The following FAM168A variants were observed in gnomAD, a reference collection of about 807,000 sequenced individuals.
FAM168A encodes the protein protein FAM168A.
A neutral mutation model predicts 28.5 loss-of-function variants in FAM168A; 3 were observed. The observed-to-expected ratio is 0.11, with a 90% CI of 0.05 to 0.27. The LOEUF is 0.27. FAM168A is among the 10% of genes least tolerant of loss of function. FAM168A has a pLI of 1.00. For missense variants in FAM168A, 222 were observed against 311.5 expected, an observed-to-expected ratio of 0.71 and a Z score of 2.16; for synonymous variants, 122 against 124.2, an observed-to-expected ratio of 0.98 and a Z score of 0.12.
chr11:73,459,959 C>T (rs1169393882), intron 2 of FAM168A, among the ~76,000 whole-genome samples: 1 of 146,458 alleles, frequency 6.8e-6, no homozygotes, highest in Non-Finnish European at 1.5e-5. Flanking sequence ...TGACTCACTG[C>T]AAGCTCCGCC....
intron 1 of FAM168A, among the ~76,000 whole-genome samples, chr11:73,491,647 T>C (rs1195704100): frequency 3.3e-5 from 5 of 152,210 alleles, no homozygotes; most frequent in African/African-American, 1.2e-4. Flanking sequence ...CACACTGTTG[T>C]TGTATAAAAA....
chr11:73,424,692 C>T (rs188522967), intron 3 of FAM168A, among the ~76,000 whole-genome samples: 1 of 152,262 alleles, frequency 6.6e-6, no homozygotes, highest in Admixed American at 6.5e-5. Flanking sequence ...ACAGAGGCTA[C>T]CACAAAGCCA....
At chr11:73,444,804 G>T (rs1480220771) in intron 2 of FAM168A, among the ~76,000 whole-genome samples, 1 of 152,028 alleles carries the variant, frequency 6.6e-6, no homozygotes, top group East Asian at 1.9e-4. Flanking sequence ...TCTCATTTTT[G>T]TTGAAAAACA....
At chr11:73,591,116 G>A (rs1205089036) in intron 1 of FAM168A, among the ~76,000 whole-genome samples, 1 of 151,944 alleles carries the variant, frequency 6.6e-6, no homozygotes, top group Non-Finnish European at 1.5e-5. Context: ...TGTACTCCAG[G>A]CCGGGAGACA....
rs1269658881 is a variant in FAM168A, at chr11:73,406,118, C to G, written c.*645G>C. 7.2e-6 allele frequency: 1 copy of G among 138,794 alleles called. No individual in the cohort carries two copies. Among genetic ancestry groups the G allele is most frequent in the Non-Finnish European group, 1.6e-5 (1 of 63,626 alleles). 8.6% of individuals were successfully genotyped at this position (138,794 alleles called of 1,614,324 possible). A position where few individuals can be genotyped will look rare whatever the true frequency, so the allele number is the denominator to read the frequency against. On this transcript the variant is annotated 3_prime_UTR_variant, in exon 8 of 8. Coordinates refer to ENST00000356467, the MANE Select transcript of FAM168A (RefSeq NM_015159.3). ...TTCCCCACAATGCCCTCCCTCCCCC[C>G]ACCCTCCCCCAAATTCTAAAGACTT...
At position 73,471,306 on chromosome 11, in the gene FAM168A, GTC is replaced by G. The variant is rs1867810456; in HGVS notation, c.-18-2816_-18-2815del. Among the ~76,000 whole-genome samples the G allele has an allele frequency of 2.0e-5, 3 of 152,100 alleles. No individual in the cohort carries two copies. In the South Asian group the frequency reaches 6.2e-4, roughly 32 times the overall value. On this transcript the variant is annotated intron_variant, in intron 1 of 7. Transcript: ENST00000356467. ...CACAGGGTAGTCCTTTAACTTCTGA[GTC>G]TCTGTTTCCTCTAACCTCAAAATGG...
At chr11:73,441,663 G>C (rs1046055083) in intron 2 of FAM168A, among the ~76,000 whole-genome samples, 1 of 152,116 alleles carries the variant, frequency 6.6e-6, no homozygotes, top group Non-Finnish European at 1.5e-5. Flanking sequence ...TTTTCTTTGC[G>C]GAAAGTTTTT....
chr11:73,459,374 T>C (rs1388828217), intron 2 of FAM168A, among the ~76,000 whole-genome samples: 2 of 151,618 alleles, frequency 1.3e-5, no homozygotes, highest in Non-Finnish European at 2.9e-5. Context: ...TAGTCTCAGC[T>C]ACTCGGGAGG....
intron 1 of FAM168A, among the ~76,000 whole-genome samples, chr11:73,541,704 G>A (rs1943660386): frequency 6.6e-6 from 1 of 152,006 alleles, no homozygotes. Context: ...CTGTAAAACA[G>A]GTATAAATAT....
chr11:73,426,862 T>C (rs1866895403), intron 3 of FAM168A, among the ~76,000 whole-genome samples: 1 of 152,204 alleles, frequency 6.6e-6, no homozygotes, highest in Non-Finnish European at 1.5e-5. Context: ...CGCTACCCTC[T>C]CTTATGGATT....
chr11:73,429,624 C>T (rs1015433097), intron 3 of FAM168A, among the ~76,000 whole-genome samples: 8 of 152,182 alleles, frequency 5.3e-5, no homozygotes, highest in Admixed American at 5.2e-4. Context: ...CCTTTGTGTG[C>T]TTAAAGAACA....
Position 73,552,083 on chromosome 11 carries a change from C to T in FAM168A, c.-19+45840G>A, listed in dbSNP as rs188153380. Among the ~76,000 whole-genome samples, 334 of 152,320 alleles carry T rather than the reference C, an allele frequency of 2.2e-3. 1 individual carries two copies. The highest frequency in any genetic ancestry group is 1.4e-3 in the Non-Finnish European group (93 of 68,030). On this transcript the variant is annotated intron_variant, in intron 1 of 7. Coordinates refer to ENST00000356467, the MANE Select transcript of FAM168A (RefSeq NM_015159.3). The stretch of plus-strand genomic sequence containing the variant: ...CAGTGGACTTTCTTATCTTTGACCT[C>T]ACAGTGCCTTAGCCTGGAGAGTTTT...
chr11:73,586,860 G>A (rs1689970), intron 1 of FAM168A, among the ~76,000 whole-genome samples: 2 of 152,076 alleles, frequency 1.3e-5, no homozygotes, highest in Admixed American at 6.6e-5. Context: ...CCACAAAGTG[G>A]AGAAAAGTAA....
At chr11:73,448,536 T>A (rs1867366059) in intron 2 of FAM168A, among the ~76,000 whole-genome samples, 1 of 152,200 alleles carries the variant, frequency 6.6e-6, no homozygotes, top group Admixed American at 6.5e-5. Context: ...CCAACACCCT[T>A]TGCCCTTACC....
chr11:73,535,418 CT>C (rs557433454), intron 1 of FAM168A, among the ~76,000 whole-genome samples: 5,355 of 132,220 alleles, frequency 0.041, 244 homozygotes, highest in African/African-American at 0.13. Context: ...TTCTTTCTTT[CT>C]TTTTTTTTTT....
chr11:73,453,697 T>C (rs760921294), intron 2 of FAM168A, among the ~76,000 whole-genome samples: 3 of 152,190 alleles, frequency 2.0e-5, no homozygotes, highest in Non-Finnish European at 4.4e-5. Flanking sequence ...TTAAAGTTTT[T>C]AGAGGCAGAG....
intron 4 of FAM168A, among the ~76,000 whole-genome samples, chr11:73,417,206 C>T (rs546877097): frequency 2.0e-5 from 3 of 152,282 alleles, no homozygotes; most frequent in Non-Finnish European, 1.5e-5. Flanking sequence ...GGGTGGAAGA[C>T]GCTGAGTACA....
intron 2 of FAM168A, among the ~76,000 whole-genome samples, chr11:73,446,208 T>C (rs951229109): frequency 1.3e-5 from 2 of 152,208 alleles, no homozygotes; most frequent in Non-Finnish European, 2.9e-5. Context: ...TGAATTTTAC[T>C]GCTTGTTTTA....
intron 1 of FAM168A, among the ~76,000 whole-genome samples, chr11:73,539,575 G>T (rs986054090): frequency 6.6e-6 from 1 of 152,052 alleles, no homozygotes; most frequent in South Asian, 2.1e-4. Flanking sequence ...ACACAATCAA[G>T]ACTTTACTAG....
Sources: gnomAD v4.1 joint callset for allele counts (sites outside exome capture counted in the v4.1 genomes callset) on GRCh38, gnomAD v4.1.1 for gene constraint, MANE v1.5 for transcripts, NCBI Gene and HGNC (gene_info 2026-07-23, HGNC 2026-07-21) for gene names.